The following APP variants were observed in gnomAD, a reference collection of about 807,000 sequenced individuals.
The protein encoded by APP is amyloid beta precursor protein, also known as amyloid-beta precursor protein.
In APP, 31 loss-of-function variants were observed where a neutral mutation model predicts 101.4. That is an observed-to-expected ratio of 0.31 (90% CI 0.23 to 0.41). The LOEUF is 0.41. APP is among the 10% of genes least tolerant of loss of function. The pLI is 1.00. For missense variants in APP, 839 were observed against 1,003.7 expected (o/e 0.84, Z 2.22); for synonymous variants, 366 against 364.4 (o/e 1.00, Z -0.05).
chr21:26,104,484 A>G (rs2062136195), intron 2 of APP, among the ~76,000 whole-genome samples: 1 of 152,250 alleles, frequency 6.6e-6, no homozygotes, highest in African/African-American at 2.4e-5. Context: ...CAAAGACTCA[A>G]TTTAAACCAT....
chr21:26,050,891 G>A, intron 5 of APP, 109 bp downstream of exon 5: 2 of 1,344,906 alleles, frequency 1.5e-6, no homozygotes, highest in Non-Finnish European at 2.1e-6. Context: ...TCTGATGGGA[G>A]TGGGCAGAGA....
intron 1 of APP, among the ~76,000 whole-genome samples, chr21:26,129,956 T>G (rs993190256): frequency 6.6e-6 from 1 of 152,194 alleles, no homozygotes; most frequent in Non-Finnish European, 1.5e-5. Context: ...CCTTGTGATA[T>G]TAGGGTGATA....
intron 2 of APP, among the ~76,000 whole-genome samples, chr21:26,093,040 C>T (rs2061861215): frequency 6.6e-6 from 1 of 152,134 alleles, no homozygotes; most frequent in South Asian, 2.1e-4. Context: ...AGGGATCCTG[C>T]TATTAATACT....
At position 26,170,545 on chromosome 21, in the gene APP, TC is replaced by T; in HGVS notation, c.57+18del. The T allele has an allele frequency of 6.5e-7, 1 of 1,536,816 alleles. No individual in the cohort carries two copies. Among genetic ancestry groups the T allele is most frequent in the South Asian group, 1.2e-5 (1 of 83,770 alleles). ...CCCACCGTGCAGCCTCCCCCCGCCT[TC>T]CGAGGCGCGGCACCCACCTCCAGCG... On this transcript the variant is annotated intron_variant, in intron 1 of 17. Coordinates refer to ENST00000346798, the MANE Select transcript of APP (RefSeq NM_000484.4).
chr21:25,948,282 C>T (rs1000852362), intron 13 of APP, among the ~76,000 whole-genome samples: 1 of 151,582 alleles, frequency 6.6e-6, no homozygotes, highest in African/African-American at 2.4e-5. Flanking sequence ...CTATTTTAAA[C>T]CTAGTCTACT....
chr21:26,072,794 A>G (rs1437814224), intron 3 of APP, among the ~76,000 whole-genome samples: 1 of 152,266 alleles, frequency 6.6e-6, no homozygotes, highest in Non-Finnish European at 1.5e-5. Flanking sequence ...AGGGTCTAGG[A>G]GAATTTAATA....
chr21:26,060,124 A>G (rs2046213349), intron 3 of APP, among the ~76,000 whole-genome samples: 1 of 152,158 alleles, frequency 6.6e-6, no homozygotes, highest in South Asian at 2.1e-4. Flanking sequence ...AATAATAATC[A>G]TAGTAATCAA....
chr21:26,014,434 A>G (rs1276457896), intron 6 of APP, among the ~76,000 whole-genome samples: 3 of 152,184 alleles, frequency 2.0e-5, no homozygotes, highest in African/African-American at 4.8e-5. Flanking sequence ...CATTCATTCT[A>G]TTTGGTGCTC....
At chr21:26,081,001 A>T (rs943763815) in intron 3 of APP, among the ~76,000 whole-genome samples, 1 of 152,182 alleles carries the variant, frequency 6.6e-6, no homozygotes, top group Non-Finnish European at 1.5e-5. Flanking sequence ...GATACCTAAA[A>T]GTCAAACTCA....
chr21:25,911,003 G>A (rs1364047525), intron 14 of APP, among the ~76,000 whole-genome samples: 2 of 152,052 alleles, frequency 1.3e-5, no homozygotes, highest in Non-Finnish European at 2.9e-5. Flanking sequence ...TTGGAAGGTG[G>A]CATTCTAGGT....
rs1043297359 is a variant in APP, at chr21:26,095,124, G to A, written c.226-5052C>T. On this transcript the variant is annotated intron_variant, in intron 2 of 17. Coordinates refer to ENST00000346798, the MANE Select transcript of APP (RefSeq NM_000484.4). ...CTCCCAAAGTGTTGGGATTACAGGCGTGAGCCACCGTGCCCGGCCTATATT... is the reference window on the plus strand; with the variant it reads ...CTCCCAAAGTGTTGGGATTACAGGCATGAGCCACCGTGCCCGGCCTATATT... Among the ~76,000 whole-genome samples the A allele has an allele frequency of 3.9e-5, 6 of 152,124 alleles. 1 individual carries two copies. In the South Asian group the frequency reaches 1.0e-3, roughly 26 times the overall value.
intron 1 of APP, chr21:26,140,471 G>T: frequency 1.2e-6 from 1 of 821,458 alleles, no homozygotes; most frequent in Non-Finnish European, 1.7e-6. Flanking sequence ...GTCTTGGGTA[G>T]AGTAAATCAA....
chr21:25,988,130 A>C (rs2042707292), intron 8 of APP, among the ~76,000 whole-genome samples: 1 of 152,140 alleles, frequency 6.6e-6, no homozygotes, highest in Non-Finnish European at 1.5e-5. Flanking sequence ...TGCTGGAAGG[A>C]CATGGCAGGC....
At position 25,975,076 on chromosome 21, in the gene APP, A is replaced by G. The variant is rs1326661259; in HGVS notation, c.1452T>C (p.Pro484=). 3 of 1,613,934 alleles carry G rather than the reference A, an allele frequency of 1.9e-6. No individual in the cohort carries two copies. The Admixed American group carries it at 5.0e-5, about 27-fold the overall frequency. ...CGGCTGCAGCGAGACCTACCCGAGG[A>G]GGAACAGCCTGCAGAGCGGTGATGT... The part of the protein sequence containing the change: ...ENYITALQAV[P]PRPRHVFNML... The change falls in exon 11 of 18, where the codon CCT becomes CCC. Residue 484 remains proline, a synonymous_variant. Coordinates refer to ENST00000346798, the MANE Select transcript of APP (RefSeq NM_000484.4).
chr21:25,886,950 G>C (rs544806168), intron 17 of APP, among the ~76,000 whole-genome samples: 8 of 150,158 alleles, frequency 5.3e-5, no homozygotes, highest in African/African-American at 2.0e-4. Context: ...ATATTACTTA[G>C]AAAAAGTCAT....
chr21:26,051,281 C>G, intron 4 of APP, 88 bp from the exon 5 acceptor site: 6 of 1,321,784 alleles, frequency 4.5e-6, no homozygotes, highest in Non-Finnish European at 6.4e-6. Context: ...AACATGCAGA[C>G]CCAATATATT....
chr21:26,024,568 A>G (rs1443342102), intron 5 of APP, among the ~76,000 whole-genome samples: 2 of 152,226 alleles, frequency 1.3e-5, no homozygotes, highest in East Asian at 3.8e-4. Context: ...AAAGGCTTTC[A>G]AAGTCTAACA....
chr21:26,132,641 T>C (rs1040789194), intron 1 of APP, among the ~76,000 whole-genome samples: 4 of 152,208 alleles, frequency 2.6e-5, no homozygotes, highest in African/African-American at 7.2e-5. Flanking sequence ...CATATATGTA[T>C]CTCCATTAAG....
chr21:26,118,153 G>C (rs45459593), intron 1 of APP, among the ~76,000 whole-genome samples: 10,580 of 152,242 alleles, frequency 0.069, 486 homozygotes, highest in Middle Eastern at 0.16. Context: ...CATGCTTGCT[G>C]CTGGTGCCCA....
Sources: gnomAD v4.1 joint callset for allele counts (sites outside exome capture counted in the v4.1 genomes callset) on GRCh38, gnomAD v4.1.1 for gene constraint, MANE v1.5 for transcripts, NCBI Gene and HGNC (gene_info 2026-07-23, HGNC 2026-07-21) for gene names.